Variants in ITGA9 observed in about 807,000 individuals in gnomAD.
ITGA9 encodes the protein integrin subunit alpha 9.
Under a neutral mutation model 127.8 loss-of-function variants are expected in ITGA9, and 56 were observed. The observed-to-expected ratio is 0.44, with a 90% CI of 0.35 to 0.55. The LOEUF is 0.55. Ranked by LOEUF, ITGA9 falls within the 20% of genes least tolerant of loss-of-function variation. The pLI is 0.00. For synonymous variants in ITGA9, 508 were observed against 514.5 expected (o/e 0.99, Z 0.17); for missense variants, 1,196 against 1,347.1 (o/e 0.89, Z 1.76).
At chr3:37,719,356 G>A (rs1040939568) in intron 18 of ITGA9, among the ~76,000 whole-genome samples, 1 of 152,158 alleles carries the variant, frequency 6.6e-6, no homozygotes, top group Non-Finnish European at 1.5e-5. Flanking sequence ...GAGCTGACAG[G>A]TTGATCTGTG....
intron 23 of ITGA9, chr3:37,753,905 G>A (rs1696620178): frequency 6.6e-6 from 1 of 152,060 alleles, no homozygotes; most frequent in Non-Finnish European, 1.5e-5. Flanking sequence ...TCCTTCTATT[G>A]GACAGTCATT....
intron 2 of ITGA9, among the ~76,000 whole-genome samples, chr3:37,472,221 T>A (rs140124391): frequency 6.6e-6 from 1 of 152,308 alleles, no homozygotes; most frequent in African/African-American, 2.4e-5. Flanking sequence ...TCAAGACTAA[T>A]ATACCTACCT....
rs111619249 is a variant in ITGA9 at position 37,711,426 on chromosome 3, A to G, written c.2068-21286A>G. Among the ~76,000 whole-genome samples, 5 of 152,292 alleles carry G rather than the reference A, an allele frequency of 3.3e-5. 1 individual carries two copies. The highest frequency in any genetic ancestry group is 1.2e-4 in the African/African-American group (5 of 41,568). ...CACTTCTGCCACATTCTGTTTTTCA[A>G]AATCGAGCCACTAAGTCTGGCCTAC... On this transcript the variant is annotated intron_variant, in intron 18 of 27. Transcript: ENST00000264741.
intron 15 of ITGA9, among the ~76,000 whole-genome samples, chr3:37,564,207 A>G (rs541147204): frequency 1.3e-5 from 2 of 152,344 alleles, no homozygotes; most frequent in South Asian, 2.1e-4. Flanking sequence ...TTAGTTTTCT[A>G]TGAATAACTT....
chr3:37,807,444 A>G (rs1697312649), intron 27 of ITGA9: 1 of 152,224 alleles, frequency 6.6e-6, no homozygotes, highest in Admixed American at 6.5e-5. Flanking sequence ...GTTTGTGGAG[A>G]GCAGCTTGTA....
chr3:37,471,237 T>C, intron 2 of ITGA9, 103 bp downstream of exon 2: 2 of 1,229,686 alleles, frequency 1.6e-6, no homozygotes, highest in Admixed American at 3.4e-5. Flanking sequence ...CATCCATCCT[T>C]CCCTCCTTCC....
chr3:37,719,828 T>G (rs1031030106), intron 18 of ITGA9, among the ~76,000 whole-genome samples: 2 of 152,176 alleles, frequency 1.3e-5, no homozygotes, highest in Admixed American at 1.3e-4. Context: ...ACCCCAATGC[T>G]TGTCCCAAAG....
intron 15 of ITGA9, among the ~76,000 whole-genome samples, chr3:37,615,509 T>G (rs1178412639): frequency 4.6e-5 from 7 of 152,326 alleles, no homozygotes; most frequent in Middle Eastern, 3.4e-3. Context: ...TTCCCTCTTT[T>G]TCTGTTGATT....
chr3:37,514,533 G>T (rs1369870361), intron 9 of ITGA9, among the ~76,000 whole-genome samples: 1 of 140,762 alleles, frequency 7.1e-6, no homozygotes, highest in African/African-American at 2.6e-5. Flanking sequence ...ATTTCAGCAT[G>T]GGGGGGCAGG....
At chr3:37,654,274 G>C (rs1302827752) in intron 17 of ITGA9, among the ~76,000 whole-genome samples, 1 of 152,024 alleles carries the variant, frequency 6.6e-6, no homozygotes, top group East Asian at 1.9e-4. Flanking sequence ...GCAGGAGAGG[G>C]CTGAAGGAGA....
chr3:37,699,967 C>A (rs1165252016), intron 18 of ITGA9, among the ~76,000 whole-genome samples: 1 of 152,170 alleles, frequency 6.6e-6, no homozygotes, highest in Non-Finnish European at 1.5e-5. Context: ...GAACCTATGA[C>A]CATCTGGCAT....
chr3:37,817,643 G>C (rs1697451827), intron 27 of ITGA9, among the ~76,000 whole-genome samples: 1 of 152,182 alleles, frequency 6.6e-6, no homozygotes, highest in Admixed American at 6.5e-5. Flanking sequence ...AGGAATGTCT[G>C]ACCTCATAAA....
At chr3:37,632,647 T>C (rs1234622311) in intron 16 of ITGA9, among the ~76,000 whole-genome samples, 1 of 152,188 alleles carries the variant, frequency 6.6e-6, no homozygotes, top group East Asian at 1.9e-4. Context: ...CATAGACACA[T>C]CATTTTGAAA....
chr3:37,485,085 CAGAG>C (rs1342883314), intron 4 of ITGA9, among the ~76,000 whole-genome samples: 2 of 152,086 alleles, frequency 1.3e-5, no homozygotes, highest in African/African-American at 4.8e-5. Context: ...CAGGGGAAAA[CAGAG>C]AGGGGACAGG....
At chr3:37,636,953 C>T (rs1226372536) in intron 16 of ITGA9, among the ~76,000 whole-genome samples, 79 of 151,528 alleles carry the variant, frequency 5.2e-4, no homozygotes, top group Non-Finnish European at 1.0e-3. Flanking sequence ...AGATATGCGG[C>T]GTTATTTCTG....
At chr3:37,574,090 G>C (rs963781898) in intron 15 of ITGA9, among the ~76,000 whole-genome samples, 1 of 152,134 alleles carries the variant, frequency 6.6e-6, no homozygotes, top group African/African-American at 2.4e-5. Context: ...TCAATGTCCT[G>C]TCTTGCTTAT....
Position 37,732,869 on chromosome 3 carries a change from G to A in ITGA9, c.2154+71G>A, listed in dbSNP as rs58203970. 11,552 of 1,224,022 alleles carry A rather than the reference G, an allele frequency of 9.4e-3. 367 individuals are homozygous for A. In the African/African-American group the frequency reaches 0.099, roughly 11 times the overall value. The allele number at this position is 1,224,022 out of a possible 1,614,324, so 75.8% of individuals were successfully genotyped here. A position where few individuals can be genotyped will look rare whatever the true frequency, so the allele number is the denominator to read the frequency against. ...CCTTCCACCAGCCACTGATTCCGCC[G>A]CCTCCCTGAGGTGAGGAGTCCTCCC... On this transcript the variant is annotated intron_variant, in intron 19 of 27. Transcript: ENST00000264741.
Position 37,779,966 on chromosome 3 carries a change from A to T in ITGA9, c.2732A>T (p.Glu911Val), listed in dbSNP as rs1402409916. The T allele has an allele frequency of 1.2e-6, 2 of 1,613,958 alleles. No homozygotes were observed. Among genetic ancestry groups the T allele is most frequent in the Admixed American group, 3.3e-5 (2 of 60,028 alleles). The change falls in exon 25 of 28, where the codon GAA becomes GTA. Residue 911 changes from glutamate to valine, a missense_variant. Glu to Val is a moderately radical substitution (Grantham distance 121). Coordinates refer to ENST00000264741, the MANE Select transcript of ITGA9 (RefSeq NM_002207.3). ...TGTAACTTTAGTGCTCTTGCTAAAGAAGAAAGTCGTACTATAGACATTTAC... is the reference window on the plus strand; with the variant it reads ...TGTAACTTTAGTGCTCTTGCTAAAGTAGAAAGTCGTACTATAGACATTTAC... ...AHCNFSALAK[E>V]ESRTIDIYML...
intron 15 of ITGA9, chr3:37,585,676 A>G: frequency 2.0e-6 from 1 of 512,556 alleles, no homozygotes; most frequent in Non-Finnish European, 3.9e-6. Context: ...AACACAAGGA[A>G]ACTACAGGTG....
Sources: gnomAD v4.1 joint callset for allele counts (sites outside exome capture counted in the v4.1 genomes callset) on GRCh38, gnomAD v4.1.1 for gene constraint, MANE v1.5 for transcripts, NCBI Gene and HGNC (gene_info 2026-07-23, HGNC 2026-07-21) for gene names.